PODXL: variants seen among roughly 807,000 people sequenced by gnomAD.
The protein encoded by PODXL is podocalyxin.
PODXL carries 20 observed loss-of-function variants against 48.9 expected under a neutral mutation model. The observed-to-expected ratio is 0.41, with a 90% CI of 0.29 to 0.59. The LOEUF (loss-of-function observed/expected upper bound fraction) is 0.59, where lower values mean the gene tolerates loss of function less well. PODXL is among the 20% of genes least tolerant of loss of function. The pLI, the probability that PODXL is intolerant of heterozygous loss-of-function variation, is 0.31. For missense variants in PODXL, 606 were observed against 675.1 expected (o/e 0.90, Z 1.13); for synonymous variants, 295 against 287.4 (o/e 1.03, Z -0.27).
rs1797700091 is a variant in PODXL at position 131,501,345 on chromosome 7, A to G, written c.*2966T>C. The G allele has an allele frequency of 6.6e-6, 1 of 152,626 alleles. No individual in the cohort carries two copies. The highest frequency in any genetic ancestry group is 1.5e-5 in the Non-Finnish European group (1 of 68,040). The allele number at this position is 152,626 out of a possible 1,614,324, so 9.5% of individuals were successfully genotyped here. On this transcript the variant is annotated 3_prime_UTR_variant, in exon 9 of 9. Transcript: ENST00000378555. ...TTAACATGGTCACTGTATTTACATT[A>G]TCAAAAAAATATGTGTATATGTATC...
chr7:131,523,662 G>A (rs1425694756), intron 1 of PODXL, among the ~76,000 whole-genome samples: 3 of 97,976 alleles, frequency 3.1e-5, no homozygotes, highest in Middle Eastern at 0.014. Context: ...CTGGGCAACA[G>A]AGCGAGAATC....
rs1797677939 is a variant in PODXL, at chr7:131,500,318, A to AT, written c.*3992dup. 2 of 152,598 alleles carry AT rather than the reference A, an allele frequency of 1.3e-5. No homozygotes were observed. The highest frequency in any genetic ancestry group is 1.3e-4 in the Admixed American group (2 of 15,290). The allele number at this position is 152,598 out of a possible 1,614,324, so 9.5% of individuals were successfully genotyped here. On this transcript the variant is annotated 3_prime_UTR_variant, in exon 9 of 9. Transcript: ENST00000378555. The stretch of plus-strand genomic sequence containing the variant: ...GACAGTATACAATTTTCCAAAATAT[A>AT]TTTTTGTAAGAAAATGCAATAATTA...
At chr7:131,524,381 G>C (rs2544451) in intron 1 of PODXL, among the ~76,000 whole-genome samples, 9,311 of 72,870 alleles carry the variant, frequency 0.13, 328 homozygotes, top group Middle Eastern at 0.22. Flanking sequence ...CACACACACA[G>C]AGAGAGAGAG....
intron 1 of PODXL, among the ~76,000 whole-genome samples, chr7:131,548,867 G>T (rs904362183): frequency 6.6e-6 from 1 of 152,110 alleles, no homozygotes; most frequent in African/African-American, 2.4e-5. Context: ...CCTCTTTCTT[G>T]AATCAGGTAG....
At chr7:131,524,125 A>G (rs1350950211) in intron 1 of PODXL, among the ~76,000 whole-genome samples, 3 of 151,374 alleles carry the variant, frequency 2.0e-5, no homozygotes, top group South Asian at 4.2e-4. Flanking sequence ...ATATCCATTC[A>G]TGATTTAAAA....
intron 1 of PODXL, among the ~76,000 whole-genome samples, chr7:131,543,017 C>T (rs921193578): frequency 1.3e-5 from 2 of 152,212 alleles, no homozygotes; most frequent in East Asian, 1.9e-4. Context: ...GCTGAGTTCA[C>T]GGTGCTCTGT....
At chr7:131,509,284 G>C in intron 4 of PODXL, 81 bp downstream of exon 4, 2 of 1,153,154 alleles carry the variant, frequency 1.7e-6, no homozygotes, top group South Asian at 1.2e-5. Context: ...TGCGTTGGAG[G>C]AAAGAACAGA....
Position 131,517,829 on chromosome 7 carries a change from T to C in PODXL, c.101-6396A>G, listed in dbSNP as rs1004996568. ...TCTCCACTCACTGCAACCTCCGCTT[T>C]GTGGGTTCAAGCAATTCTCCTGCCT... is the stretch of plus-strand genomic sequence containing the variant. On this transcript the variant is annotated intron_variant, in intron 1 of 8. Coordinates refer to ENST00000378555, the MANE Select transcript of PODXL (RefSeq NM_001018111.3). 2.0e-5 allele frequency among the ~76,000 whole-genome samples: 3 copies of C among 151,966 alleles called. No homozygotes were observed. In the East Asian group the frequency reaches 5.8e-4, roughly 29 times the overall value.
chr7:131,502,274 T>A lies in PODXL; in HGVS notation c.*2037A>T, dbSNP rs570210864. On this transcript the variant is annotated 3_prime_UTR_variant, in exon 9 of 9. Transcript: ENST00000378555. ...ACACCTCACTCAAGCCTAACAAGAT[T>A]TCCTGTTTTCCCCCAAACAGGCACT... 6.6e-6 allele frequency: 1 copy of A among 152,216 alleles called. No individual in the cohort carries two copies. Among genetic ancestry groups the A allele is most frequent in the East Asian group, 1.9e-4 (1 of 5,174 alleles). The allele number at this position is 152,216 out of a possible 1,614,324, so 9.4% of individuals were successfully genotyped here.
intron 1 of PODXL, among the ~76,000 whole-genome samples, chr7:131,518,575 C>T (rs1798045052): frequency 6.6e-6 from 1 of 151,988 alleles, no homozygotes; most frequent in African/African-American, 2.4e-5. Context: ...TGGGGAATCC[C>T]CTGGGTTCTA....
At chr7:131,506,523 G>T in intron 6 of PODXL, 56 bp downstream of exon 6, 1 of 1,574,524 alleles carries the variant, frequency 6.4e-7, no homozygotes, top group Non-Finnish European at 8.7e-7. Context: ...GCTTCTGCAT[G>T]CCCCCCATTC....
intron 1 of PODXL, among the ~76,000 whole-genome samples, chr7:131,546,725 C>CAAA (rs10593482): frequency 2.0e-5 from 1 of 50,118 alleles, no homozygotes; most frequent in Non-Finnish European, 3.9e-5. Context: ...GGCCCTGTCT[C>CAAA]AAAAAAAAAA....
intron 1 of PODXL, among the ~76,000 whole-genome samples, chr7:131,518,402 T>C (rs1798036169): frequency 6.6e-6 from 1 of 152,248 alleles, no homozygotes; most frequent in Admixed American, 6.5e-5. Context: ...TCAAGACCTC[T>C]TCTCCTGAAC....
chr7:131,546,883 C>T (rs912003260), intron 1 of PODXL, among the ~76,000 whole-genome samples: 1 of 152,180 alleles, frequency 6.6e-6, no homozygotes, highest in African/African-American at 2.4e-5. Flanking sequence ...CCCTGGCCAC[C>T]TTCATCTAAA....
intron 1 of PODXL, among the ~76,000 whole-genome samples, chr7:131,529,423 ATT>A (rs1798237555): frequency 6.6e-6 from 1 of 151,976 alleles, no homozygotes; most frequent in African/African-American, 2.4e-5. Context: ...GTTACTGGCT[ATT>A]TCCAGACCTG....
At chr7:131,538,099 C>T (rs1798410349) in intron 1 of PODXL, among the ~76,000 whole-genome samples, 1 of 152,124 alleles carries the variant, frequency 6.6e-6, no homozygotes, top group South Asian at 2.1e-4. Flanking sequence ...CTGCACAGGG[C>T]CCACTGTGGC....
At chr7:131,527,868 A>G (rs1364547419) in intron 1 of PODXL, among the ~76,000 whole-genome samples, 1 of 150,252 alleles carries the variant, frequency 6.7e-6, no homozygotes, top group Non-Finnish European at 1.5e-5. Context: ...CAGCACCAGT[A>G]GAGGATTTGG....
rs762266621 is a variant in PODXL at position 131,556,370 on chromosome 7, C to T, written c.-11G>A. Reference sequence around the variant, plus strand: ...CAGCGCGCAGCGCATCGTGTCGTCGCCTCTGGGCCGGGAGCAGGTGGCTGC... The same window carrying T: ...CAGCGCGCAGCGCATCGTGTCGTCGTCTCTGGGCCGGGAGCAGGTGGCTGC... On this transcript the variant is annotated 5_prime_UTR_variant, in exon 1 of 9. Coordinates refer to ENST00000378555, the MANE Select transcript of PODXL (RefSeq NM_001018111.3). The T allele has an allele frequency of 2.5e-5, 35 of 1,386,888 alleles. No homozygotes were observed. The highest frequency in any genetic ancestry group is 3.3e-5 in the Non-Finnish European group (35 of 1,070,314). The allele number at this position is 1,386,888 out of a possible 1,614,324, so 85.9% of individuals were successfully genotyped here.
chr7:131,514,132 T>C (rs1797956914), intron 1 of PODXL, among the ~76,000 whole-genome samples: 1 of 152,116 alleles, frequency 6.6e-6, no homozygotes, highest in Non-Finnish European at 1.5e-5. Flanking sequence ...TAAAAAGCAA[T>C]ACAGGCTGGG....
Sources: allele counts gnomAD v4.1 joint callset (sites outside exome capture counted in the v4.1 genomes callset), GRCh38; gene constraint gnomAD v4.1.1; transcripts MANE v1.5; gene names NCBI Gene and HGNC (gene_info 2026-07-23, HGNC 2026-07-21).